The following SMURF1 variants were observed in gnomAD, a reference collection of about 807,000 sequenced individuals.
The protein encoded by SMURF1 is SMAD specific E3 ubiquitin protein ligase 1.
Under a neutral mutation model 98.0 loss-of-function variants are expected in SMURF1, and 44 were observed. The observed-to-expected ratio is 0.45, with a 90% confidence interval of 0.35 to 0.58. SMURF1 has a LOEUF of 0.58. Ranked by LOEUF, SMURF1 falls within the 20% of genes least tolerant of loss-of-function variation. The pLI is 0.00. For missense variants in SMURF1, 687 were observed against 938.4 expected (o/e 0.73, Z 3.50); for synonymous variants, 396 against 374.9 (o/e 1.06, Z -0.65).
chr7:99,111,309 A>G (rs1325111051), intron 1 of SMURF1, among the ~76,000 whole-genome samples: 4 of 152,248 alleles, frequency 2.6e-5, no homozygotes, highest in African/African-American at 7.2e-5. Flanking sequence ...GTATCCATCA[A>G]TTTGTGAAGA....
chr7:99,062,588 C>T (rs749845387), intron 1 of SMURF1, among the ~76,000 whole-genome samples: 2 of 152,130 alleles, frequency 1.3e-5, no homozygotes, highest in Non-Finnish European at 2.9e-5. Flanking sequence ...GTGGCTCACG[C>T]CTGTAATCCC....
intron 1 of SMURF1, among the ~76,000 whole-genome samples, chr7:99,075,755 C>A (rs934214201): frequency 4.6e-5 from 7 of 151,956 alleles, no homozygotes; most frequent in African/African-American, 1.5e-4. Flanking sequence ...TATTATTATT[C>A]TTTTTTCATA....
intron 1 of SMURF1, among the ~76,000 whole-genome samples, chr7:99,135,498 C>T (rs1334203917): frequency 3.3e-5 from 5 of 152,170 alleles, no homozygotes; most frequent in Non-Finnish European, 7.4e-5. Context: ...ATAGTACACA[C>T]ACTAGCCTCT....
Position 99,093,102 on chromosome 7 carries a change from G to A in SMURF1, c.56-31265C>T, listed in dbSNP as rs77452027. 7.4e-3 allele frequency among the ~76,000 whole-genome samples: 1,125 copies of A among 152,248 alleles called. 15 individuals carry two copies. Among genetic ancestry groups the A allele is most frequent in the African/African-American group, 0.026 (1,063 of 41,540 alleles). ...TGAGACATTGATGGGGTAGGAGGGC[G>A]CAGAGGGAGGAAATGTAGCATTGCA... On this transcript the variant is annotated intron_variant, in intron 1 of 17. Transcript: ENST00000361368.
intron 1 of SMURF1, among the ~76,000 whole-genome samples, chr7:99,088,109 T>C (rs191920999): frequency 6.6e-6 from 1 of 151,768 alleles, no homozygotes; most frequent in East Asian, 1.9e-4. Context: ...ATACAAAAAA[T>C]TAGCCAAGCA....
Position 99,049,631 on chromosome 7 carries a change from C to G in SMURF1, c.885G>C (p.Arg295Ser), listed in dbSNP as rs750758871. The change falls in exon 9 of 18, where the codon AGG (arginine) becomes AGC (serine). Residue 295 changes from arginine (R) to serine (S), a missense_variant. This residue lies in a region of SMURF1 where 415 missense variants were observed against 508.4 expected (regional missense o/e 0.82). Transcript: ENST00000361368. ...GWEVRSTVSGRIYFVDHNNRT... is the reference protein window; with the variant it reads ...GWEVRSTVSGSIYFVDHNNRT... ...GGTTATTATGATCTACAAAATATATCCTCCCAGAAACTGTACTTCTGACTT... is the reference window on the plus strand; with the variant it reads ...GGTTATTATGATCTACAAAATATATGCTCCCAGAAACTGTACTTCTGACTT... The G allele has an allele frequency of 6.2e-7, 1 of 1,614,120 alleles. No individual in the cohort carries two copies. The highest frequency in any genetic ancestry group is 8.5e-7 in the Non-Finnish European group (1 of 1,179,996).
chr7:99,138,331 G>A (rs1242405181), intron 1 of SMURF1, among the ~76,000 whole-genome samples: 5 of 152,186 alleles, frequency 3.3e-5, no homozygotes, highest in Non-Finnish European at 7.3e-5. Context: ...CAGTGCCCAC[G>A]ATGTTGTACA....
rs1343997078 is a variant in SMURF1, at chr7:99,028,008, AG to A, written c.*2575del. 2 of 152,630 alleles carry A rather than the reference AG, an allele frequency of 1.3e-5. No homozygotes were observed. The highest frequency in any genetic ancestry group is 4.8e-5 in the African/African-American group (2 of 41,442). 9.5% of individuals were successfully genotyped at this position (152,630 alleles called of 1,614,324 possible). A position where few individuals can be genotyped will look rare whatever the true frequency, so the allele number is the denominator to read the frequency against. On this transcript the variant is annotated 3_prime_UTR_variant, in exon 18 of 18. Coordinates refer to ENST00000361368, the MANE Select transcript of SMURF1 (RefSeq NM_181349.3). ...GGCAGCCTCAGCTCTTCCTACTGAA[AG>A]CACTGGCGGAGTGGTGTTAGCTACA...
chr7:99,029,969 C>T lies in SMURF1; in HGVS notation c.*615G>A, dbSNP rs1405377174. ...AGGAAAAGCTGCTCCAATTCCTTCT[C>T]CTTTCAAAGGGGAAACACATTTTGA... is the stretch of plus-strand genomic sequence containing the variant. On this transcript the variant is annotated 3_prime_UTR_variant, in exon 18 of 18. Coordinates refer to ENST00000361368, the MANE Select transcript of SMURF1 (RefSeq NM_181349.3). 6.6e-6 allele frequency: 1 copy of T among 152,254 alleles called. No homozygotes were observed. Among genetic ancestry groups the T allele is most frequent in the Non-Finnish European group, 1.5e-5 (1 of 68,066 alleles). 9.4% of individuals were successfully genotyped at this position (152,254 alleles called of 1,614,324 possible).
intron 3 of SMURF1, among the ~76,000 whole-genome samples, chr7:99,058,277 C>T (rs1179967290): frequency 6.6e-6 from 1 of 151,950 alleles, no homozygotes; most frequent in African/African-American, 2.4e-5. Flanking sequence ...TTACAGGCAC[C>T]TGCCACCACA....
chr7:99,034,757 C>G (rs1795065871), intron 16 of SMURF1, among the ~76,000 whole-genome samples: 1 of 152,174 alleles, frequency 6.6e-6, no homozygotes, highest in Non-Finnish European at 1.5e-5. Flanking sequence ...AGCAGCAAAT[C>G]TATAGGCAGA....
intron 9 of SMURF1, 47 bp downstream of exon 9, chr7:99,049,516 C>T (rs219826): frequency 0.32 from 511,792 of 1,578,714 alleles, 84,376 homozygotes; most frequent in South Asian, 0.42. Flanking sequence ...AGAAAGCATT[C>T]GATTACCAAT....
At chr7:99,118,361 T>C (rs1472632459) in intron 1 of SMURF1, among the ~76,000 whole-genome samples, 1 of 152,198 alleles carries the variant, frequency 6.6e-6, no homozygotes, top group East Asian at 1.9e-4. Context: ...CAAATGTTCA[T>C]AGCAGCATGA....
In SMURF1 at chr7:99,051,430, T is replaced by C; in HGVS notation, c.733A>G (p.Thr245Ala). The change falls in exon 8 of 18, where the codon ACA becomes GCA. Residue 245 changes from threonine (T) to alanine (A), a missense_variant. Transcript: ENST00000361368. ...AAAAAGTAAACTTGGCCCTGGACTGTTGTTCTTTGTTCTACACAAGAAATT... is the reference window on the plus strand; with the variant it reads ...AAAAAGTAAACTTGGCCCTGGACTGCTGTTCTTTGTTCTACACAAGAAATT... Reference protein sequence around the residue: ...ELPEGYEQRTTVQGQVYFLHT... With the variant: ...ELPEGYEQRTAVQGQVYFLHT... The C allele has an allele frequency of 6.2e-7, 1 of 1,613,962 alleles. No homozygotes were observed. Among genetic ancestry groups the C allele is most frequent in the Non-Finnish European group, 8.5e-7 (1 of 1,179,830 alleles).
At chr7:99,075,543 G>A (rs1321682070) in intron 1 of SMURF1, among the ~76,000 whole-genome samples, 1 of 152,090 alleles carries the variant, frequency 6.6e-6, no homozygotes, top group African/African-American at 2.4e-5. Flanking sequence ...TTAACCTGTG[G>A]GGTCTTTGCT....
chr7:99,046,101 C>A (rs776736604), intron 10 of SMURF1, among the ~76,000 whole-genome samples: 1 of 152,104 alleles, frequency 6.6e-6, no homozygotes, highest in Non-Finnish European at 1.5e-5. Context: ...AGGGTTGATT[C>A]TTCTCTGTAT....
chr7:99,133,550 C>CCACTG (rs140579139), intron 1 of SMURF1, among the ~76,000 whole-genome samples: 2,745 of 152,250 alleles, frequency 0.018, 72 homozygotes, highest in African/African-American at 0.063. Flanking sequence ...CTCTCATACG[C>CCACTG]CACTGGTGGA....
chr7:99,081,957 C>A (rs531821721), intron 1 of SMURF1, among the ~76,000 whole-genome samples: 25 of 152,262 alleles, frequency 1.6e-4, no homozygotes, highest in African/African-American at 6.0e-4. Context: ...CTGGCCTGAT[C>A]GCATTTTTTA....
At chr7:99,102,880 A>T (rs912808456) in intron 1 of SMURF1, among the ~76,000 whole-genome samples, 4 of 151,934 alleles carry the variant, frequency 2.6e-5, no homozygotes, top group African/African-American at 9.7e-5. Flanking sequence ...AGGCTGGAGT[A>T]CAGCAGTGCG....
Sources: allele counts gnomAD v4.1 joint callset (sites outside exome capture counted in the v4.1 genomes callset), GRCh38; gene constraint gnomAD v4.1.1; regional missense constraint gnomAD v4.1.1; transcripts MANE v1.5; gene names NCBI Gene and HGNC (gene_info 2026-07-23, HGNC 2026-07-21).